STK3: variants seen among roughly 807,000 people sequenced by gnomAD.
The protein encoded by STK3 is serine/threonine kinase 3.
Under a neutral mutation model 58.0 loss-of-function variants are expected in STK3, and 41 were observed. The ratio of observed to expected loss-of-function variants is 0.71; its 90% CI spans 0.55 to 0.92. The LOEUF (loss-of-function observed/expected upper bound fraction) is 0.92. STK3 is among the 40% of genes least tolerant of loss of function. The probability of loss-of-function intolerance (pLI) is 0.00; values close to 1 mark genes in which losing one functional copy is unlikely to be tolerated. For missense variants in STK3, 479 were observed against 602.7 expected, an observed-to-expected ratio of 0.79 and a Z score of 2.15; for synonymous variants, 170 against 191.0, an observed-to-expected ratio of 0.89 and a Z score of 0.91.
chr8:98,836,779 A>C (rs1457596830), intron 3 of STK3, among the ~76,000 whole-genome samples: 2 of 152,238 alleles, frequency 1.3e-5, no homozygotes, highest in African/African-American at 4.8e-5. Context: ...TCAACACATA[A>C]TTATCTACAT....
intron 3 of STK3, chr8:98,875,829 G>T (rs757205005): frequency 1.6e-4 from 25 of 152,184 alleles, no homozygotes; most frequent in Non-Finnish European, 2.9e-4. Flanking sequence ...TTATCACAAT[G>T]ATTAGTATGA....
At chr8:98,661,454 A>T (rs933133313) in intron 6 of STK3, among the ~76,000 whole-genome samples, 1 of 152,100 alleles carries the variant, frequency 6.6e-6, no homozygotes, top group African/African-American at 2.4e-5. Flanking sequence ...CCAGGGTATC[A>T]TCATTTCTCC....
intron 6 of STK3, among the ~76,000 whole-genome samples, chr8:98,681,155 C>T (rs549397490): frequency 6.6e-6 from 1 of 152,142 alleles, no homozygotes; most frequent in African/African-American, 2.4e-5. Flanking sequence ...CGTGCCACCA[C>T]ACACGGCTAA....
At chr8:98,608,701 A>C (rs1217321835) in intron 6 of STK3, among the ~76,000 whole-genome samples, 2 of 152,170 alleles carry the variant, frequency 1.3e-5, no homozygotes, top group East Asian at 3.8e-4. Context: ...TGGACCACTA[A>C]AAAATATACC....
rs566278757 is a variant in STK3 at position 98,414,096 on chromosome 8, T to C, written n.484-12583A>G. On this transcript the variant is annotated intron_variant and non_coding_transcript_variant, in intron 3 of 3. Coordinates refer to the STK3 transcript ENST00000517832. ...CTGGCCAACACGGTGAAACCCCGTCTCTACTAAAAATACAAAAATTAGCCA... is the reference window on the plus strand; with the variant it reads ...CTGGCCAACACGGTGAAACCCCGTCCCTACTAAAAATACAAAAATTAGCCA... Among the ~76,000 whole-genome samples the C allele has an allele frequency of 3.3e-5, 5 of 152,216 alleles. No individual in the cohort carries two copies. The South Asian group carries it at 1.0e-3, about 32-fold the overall frequency.
At chr8:98,626,046 C>G (rs533947682) in intron 6 of STK3, among the ~76,000 whole-genome samples, 75 of 152,294 alleles carry the variant, frequency 4.9e-4, no homozygotes, top group Non-Finnish European at 7.8e-4. Context: ...ACCCTGCCCC[C>G]CAGATGCTCC....
intron 3 of STK3, among the ~76,000 whole-genome samples, chr8:98,849,695 C>T (rs755916638): frequency 2.6e-5 from 4 of 152,048 alleles, no homozygotes; most frequent in Admixed American, 2.6e-4. Context: ...AACAAAAGTG[C>T]TCTTAGAAGC....
At chr8:98,403,800 C>A (rs1047377942) in intron 3 of STK3, among the ~76,000 whole-genome samples, 1 of 152,266 alleles carries the variant, frequency 6.6e-6, no homozygotes, top group Non-Finnish European at 1.5e-5. Flanking sequence ...ATCCTCCAAA[C>A]CTCCAGTGCC....
chr8:98,465,052 T>C (rs1317452043), intron 10 of STK3, among the ~76,000 whole-genome samples: 1 of 152,100 alleles, frequency 6.6e-6, no homozygotes, highest in East Asian at 1.9e-4. Context: ...AAGAATACGG[T>C]TTCTCATGAA....
At chr8:98,491,164 AGAGAGAG>A (rs1822655073) in intron 10 of STK3, among the ~76,000 whole-genome samples, 1 of 5,638 alleles carries the variant, frequency 1.8e-4, no homozygotes, top group African/African-American at 2.3e-4. Flanking sequence ...AATAAACACG[AGAGAGAG>A]AGAGAGAGAG....
chr8:98,381,721 T>G (rs1817735059), intron 1 of STK3, among the ~76,000 whole-genome samples: 1 of 152,128 alleles, frequency 6.6e-6, no homozygotes, highest in Admixed American at 6.5e-5. Context: ...GCTAAAAAAG[T>G]TTCACTCACT....
intron 4 of STK3, among the ~76,000 whole-genome samples, chr8:98,734,392 G>C (rs1828421561): frequency 6.6e-6 from 1 of 152,148 alleles, no homozygotes; most frequent in Non-Finnish European, 1.5e-5. Context: ...AACCCATATT[G>C]CTGAAAGCCT....
chr8:98,588,712 C>T (rs1380935121), intron 7 of STK3, among the ~76,000 whole-genome samples: 2 of 150,864 alleles, frequency 1.3e-5, no homozygotes, highest in Non-Finnish European at 1.5e-5. Flanking sequence ...TGGTTCCATT[C>T]TCCCCATCAC....
At chr8:98,501,416 C>T (rs1339868159) in intron 10 of STK3, among the ~76,000 whole-genome samples, 3 of 151,964 alleles carry the variant, frequency 2.0e-5, no homozygotes, top group Non-Finnish European at 2.9e-5. Context: ...TAATTAGATC[C>T]CATTTGTCTA....
At chr8:98,779,497 G>A (rs1831942420) in intron 1 of STK3, among the ~76,000 whole-genome samples, 1 of 152,166 alleles carries the variant, frequency 6.6e-6, no homozygotes, top group African/African-American at 2.4e-5. Context: ...ATGGTTCAAT[G>A]TATGCAAACT....
intron 9 of STK3, among the ~76,000 whole-genome samples, chr8:98,536,365 A>G (rs1237333232): frequency 6.6e-6 from 1 of 152,032 alleles, no homozygotes; most frequent in Non-Finnish European, 1.5e-5. Context: ...AGGCAGGAGG[A>G]TTGCTTGAGG....
At chr8:98,917,135 A>C (rs1310982397) in intron 1 of STK3, among the ~76,000 whole-genome samples, 1 of 152,254 alleles carries the variant, frequency 6.6e-6, no homozygotes, top group Non-Finnish European at 1.5e-5. Flanking sequence ...GACGGAAACC[A>C]GTGCATCTAG....
chr8:98,818,542 G>GTC (rs1205745319), intron 1 of STK3, among the ~76,000 whole-genome samples: 2 of 146,328 alleles, frequency 1.4e-5, no homozygotes, highest in African/African-American at 5.0e-5. Flanking sequence ...TTATAAATGT[G>GTC]TGTGTGTGTG....
At chr8:98,752,639 A>T (rs1444408595) in intron 3 of STK3, among the ~76,000 whole-genome samples, 1 of 152,198 alleles carries the variant, frequency 6.6e-6, no homozygotes, top group Admixed American at 6.5e-5. Context: ...CAGCAAAAGA[A>T]ACTATCAAGA....
Sources: allele counts gnomAD v4.1 joint callset (sites outside exome capture counted in the v4.1 genomes callset), GRCh38; gene constraint gnomAD v4.1.1; transcripts MANE v1.5; gene names NCBI Gene and HGNC (gene_info 2026-07-23, HGNC 2026-07-21).